FAM171A1: variants seen among roughly 807,000 people sequenced by gnomAD.
FAM171A1 encodes the protein protein FAM171A1.
Under a neutral mutation model 74.9 loss-of-function variants are expected in FAM171A1, and 23 were observed. That is an observed-to-expected ratio of 0.31 (90% CI 0.22 to 0.44). The LOEUF (loss-of-function observed/expected upper bound fraction) is 0.44. Ranked by LOEUF, FAM171A1 falls within the 20% of genes least tolerant of loss-of-function variation. The pLI is 1.00. For missense variants in FAM171A1, 1,162 were observed against 1,159.2 expected (o/e 1.00, Z -0.03); for synonymous variants, 527 against 505.7 (o/e 1.04, Z -0.57).
chr10:15,258,888 C>T (rs1834621030), intron 3 of FAM171A1, among the ~76,000 whole-genome samples: 1 of 152,186 alleles, frequency 6.6e-6, no homozygotes, highest in South Asian at 2.1e-4. Context: ...TGTGCCATTT[C>T]TGTGCTCTGC....
At chr10:15,297,354 TG>T (rs1161148037) in intron 1 of FAM171A1, among the ~76,000 whole-genome samples, 4 of 152,142 alleles carry the variant, frequency 2.6e-5, no homozygotes, top group Non-Finnish European at 5.9e-5. Flanking sequence ...CCACCGCACC[TG>T]GCTGCCATCA....
intron 5 of FAM171A1, 40 bp from the exon 6 acceptor site, chr10:15,221,100 A>G: frequency 6.6e-7 from 1 of 1,524,266 alleles, no homozygotes. Flanking sequence ...CAAGCACACC[A>G]CGCTCCTTTG....
intron 1 of FAM171A1, among the ~76,000 whole-genome samples, chr10:15,359,676 T>C (rs917970806): frequency 6.6e-6 from 1 of 152,200 alleles, no homozygotes; most frequent in Non-Finnish European, 1.5e-5. Flanking sequence ...TTATCCTGAA[T>C]GAGCCCCTAG....
At chr10:15,216,917 A>G (rs1222328781) in intron 6 of FAM171A1, among the ~76,000 whole-genome samples, 1 of 151,500 alleles carries the variant, frequency 6.6e-6, no homozygotes, top group East Asian at 1.9e-4. Flanking sequence ...CCCTAGCCCA[A>G]ATGAATCAGT....
chr10:15,289,137 T>TA (rs1376424646), intron 1 of FAM171A1, among the ~76,000 whole-genome samples: 1 of 152,108 alleles, frequency 6.6e-6, no homozygotes, highest in Non-Finnish European at 1.5e-5. Context: ...CGGTAATTCT[T>TA]ACAGCCCACA....
At chr10:15,367,030 C>G (rs557441024) in intron 1 of FAM171A1, among the ~76,000 whole-genome samples, 59 of 152,244 alleles carry the variant, frequency 3.9e-4, no homozygotes, top group African/African-American at 1.3e-3. Context: ...AACCCCTTAT[C>G]TACTAAAAAT....
At chr10:15,255,212 T>C (rs559711548) in intron 3 of FAM171A1, among the ~76,000 whole-genome samples, 8 of 152,318 alleles carry the variant, frequency 5.3e-5, no homozygotes, top group Non-Finnish European at 1.2e-4. Context: ...AAACTCCATG[T>C]AAATGAAACA....
intron 1 of FAM171A1, among the ~76,000 whole-genome samples, chr10:15,292,965 G>GTC (rs1835120167): frequency 6.6e-6 from 1 of 151,876 alleles, no homozygotes; most frequent in South Asian, 2.1e-4. Context: ...TGTCTAAAAC[G>GTC]TCGATCCCAG....
At chr10:15,259,275 A>T (rs1232554595) in intron 3 of FAM171A1, among the ~76,000 whole-genome samples, 1 of 152,164 alleles carries the variant, frequency 6.6e-6, no homozygotes, top group Middle Eastern at 3.2e-3. Context: ...GTTACCTTAT[A>T]CTGCCTCTCA....
At position 15,214,049 on chromosome 10, in the gene FAM171A1, G is replaced by A. The variant is rs1386692155; in HGVS notation, c.1539C>T (p.Leu513=). 2 of 1,614,192 alleles carry A rather than the reference G, an allele frequency of 1.2e-6. No individual in the cohort carries two copies. The highest frequency in any genetic ancestry group is 4.5e-5 in the East Asian group (2 of 44,876). The change falls in exon 8 of 8, where the codon CTC becomes CTT. Residue 513 remains leucine (L), a synonymous_variant. Coordinates refer to ENST00000378116, the MANE Select transcript of FAM171A1 (RefSeq NM_001010924.2). ...REGPASTGSK[L]TIQEHLYPAP... Reference sequence around the variant, plus strand: ...CGGGGTACAGATGTTCCTGAATGGTGAGTTTGCTTCCCGTGGAGGCTGGAC... The same window carrying A: ...CGGGGTACAGATGTTCCTGAATGGTAAGTTTGCTTCCCGTGGAGGCTGGAC...
chr10:15,287,091 CTT>C (rs145921203), intron 1 of FAM171A1, among the ~76,000 whole-genome samples: 15 of 129,458 alleles, frequency 1.2e-4, no homozygotes, highest in Admixed American at 1.6e-4. Context: ...TTTTCTTCTT[CTT>C]TTTTTTTTTT....
At chr10:15,345,852 C>T (rs1835812117) in intron 1 of FAM171A1, among the ~76,000 whole-genome samples, 1 of 152,132 alleles carries the variant, frequency 6.6e-6, no homozygotes, top group African/African-American at 2.4e-5. Flanking sequence ...GAGGCCCCTG[C>T]CGTGGACAGC....
chr10:15,345,476 TC>T (rs1212666965), intron 1 of FAM171A1, among the ~76,000 whole-genome samples: 5 of 152,112 alleles, frequency 3.3e-5, no homozygotes, highest in Admixed American at 2.0e-4. Flanking sequence ...TGAAAATGAC[TC>T]CATTAAGCAA....
intron 1 of FAM171A1, among the ~76,000 whole-genome samples, chr10:15,359,416 C>G (rs867782076): frequency 6.6e-6 from 1 of 152,056 alleles, no homozygotes; most frequent in African/African-American, 2.4e-5. Context: ...AGTCACTTGT[C>G]CAGAACCTGA....
intron 3 of FAM171A1, among the ~76,000 whole-genome samples, chr10:15,266,933 A>G (rs1834751364): frequency 6.6e-6 from 1 of 151,564 alleles, no homozygotes; most frequent in South Asian, 2.1e-4. Flanking sequence ...AGGGAGTGTG[A>G]GTTGGCAGAA....
chr10:15,230,953 A>T (rs1488279458), intron 5 of FAM171A1, among the ~76,000 whole-genome samples: 1 of 152,166 alleles, frequency 6.6e-6, no homozygotes, highest in Non-Finnish European at 1.5e-5. Flanking sequence ...ACATGTCAGA[A>T]GGGACTGGGT....
At chr10:15,347,834 CAAAAAAAAAAA>C (rs71390034) in intron 1 of FAM171A1, among the ~76,000 whole-genome samples, 27,252 of 94,710 alleles carry the variant, frequency 0.29, 2,993 homozygotes, top group Non-Finnish European at 0.33. Flanking sequence ...GACTCCATCT[CAAAAAAAAAAA>C]AAAAAAAAAA....
chr10:15,293,142 C>T (rs1309194533), intron 1 of FAM171A1, among the ~76,000 whole-genome samples: 1 of 152,154 alleles, frequency 6.6e-6, no homozygotes, highest in Admixed American at 6.5e-5. Context: ...TTCACACATC[C>T]TAAGCATATA....
At chr10:15,254,550 G>C (rs557265192) in intron 4 of FAM171A1, among the ~76,000 whole-genome samples, 171 bp downstream of exon 4, 3 of 152,270 alleles carry the variant, frequency 2.0e-5, no homozygotes, top group Non-Finnish European at 2.9e-5. Context: ...TGCAGGGCTC[G>C]TACCGACGTA....
Sources: allele counts gnomAD v4.1 joint callset (sites outside exome capture counted in the v4.1 genomes callset), GRCh38; gene constraint gnomAD v4.1.1; transcripts MANE v1.5; gene names NCBI Gene and HGNC (gene_info 2026-07-23, HGNC 2026-07-21).